PADI4: variants seen among roughly 807,000 people sequenced by gnomAD.
The protein encoded by PADI4 is peptidyl arginine deiminase 4.
Under a neutral mutation model 75.0 loss-of-function variants are expected in PADI4, and 62 were observed. That is an observed-to-expected ratio of 0.83 (90% CI 0.67 to 1.02). PADI4 has a LOEUF of 1.02. PADI4 is among the 50% of genes least tolerant of loss of function. The pLI, the probability that PADI4 is intolerant of heterozygous loss-of-function variation, is 0.00. For synonymous variants in PADI4, 361 were observed against 348.1 expected (o/e 1.04, Z -0.41); for missense variants, 845 against 850.5 (o/e 0.99, Z 0.08).
At position 17,336,167 on chromosome 1, in the gene PADI4, T is replaced by C. The variant is rs1748033; in HGVS notation, c.349T>C (p.Leu117=). 1,061,313 of 1,607,184 alleles carry C rather than the reference T, an allele frequency of 0.66. 353,119 individuals are homozygous for C. Among genetic ancestry groups the C allele is most frequent in the Non-Finnish European group, 0.68 (796,590 of 1,174,032 alleles). ...ACTTGATGGGATTTCAGAAATCTCC[T>C]TGTGCGCAGACATCACCCGCACCGG... ...LLYLTGVEIS[L]CADITRTGKV... The change falls in exon 4 of 16, where the codon TTG becomes CTG. Residue 117 remains leucine, a synonymous_variant. Transcript: ENST00000375448.
chr1:17,322,492 C>G lies in PADI4; in HGVS notation c.93-8477C>G, dbSNP rs28868072. ...TGACAGAGTGAGACTCCATCCCCCC[C>G]CAAAAAAAAAGATAAGCTATAAATG... is the stretch of plus-strand genomic sequence containing the variant. On this transcript the variant is annotated intron_variant, in intron 1 of 15. Coordinates refer to ENST00000375448, the MANE Select transcript of PADI4 (RefSeq NM_012387.3). 1.4e-4 allele frequency among the ~76,000 whole-genome samples: 8 copies of G among 59,010 alleles called. No homozygotes were observed. The South Asian group carries it at 4.2e-3, about 31-fold the overall frequency. 38.7% of individuals were successfully genotyped at this position (59,010 alleles called of 152,430 possible).
chr1:17,351,879 G>A (rs1254061717), intron 10 of PADI4, among the ~76,000 whole-genome samples: 1 of 152,118 alleles, frequency 6.6e-6, no homozygotes, highest in Non-Finnish European at 1.5e-5. Context: ...AGAGGAGATA[G>A]GAGGTGGTAG....
chr1:17,321,125 T>C (rs1264583748), intron 1 of PADI4, among the ~76,000 whole-genome samples: 2 of 151,948 alleles, frequency 1.3e-5, no homozygotes, highest in Non-Finnish European at 2.9e-5. Flanking sequence ...GTTGGAGTGA[T>C]AAAGGGAGGA....
chr1:17,356,913 T>A lies in PADI4; in HGVS notation c.1558+454T>A, dbSNP rs926894112. On this transcript the variant is annotated intron_variant, in intron 13 of 15. Coordinates refer to ENST00000375448, the MANE Select transcript of PADI4 (RefSeq NM_012387.3). This position sits in a 1 kb window ranked among gnomAD's most constrained non-coding sequence, Gnocchi z 4.1. ...AGGTTCGGTATAGCTGGAGCACAGA[T>A]GAAATATTACTCTCTCAGCAGAGCT... 6.6e-6 allele frequency among the ~76,000 whole-genome samples: 1 copy of A among 152,090 alleles called. No individual in the cohort carries two copies. Among genetic ancestry groups the A allele is most frequent in the South Asian group, 2.1e-4 (1 of 4,824 alleles).
At chr1:17,349,534 G>T (rs961458611) in intron 10 of PADI4, among the ~76,000 whole-genome samples, 1 of 151,960 alleles carries the variant, frequency 6.6e-6, no homozygotes, top group Non-Finnish European at 1.5e-5. Flanking sequence ...GCGAAATCCC[G>T]TCTCTACTAA....
At chr1:17,357,661 G>A (rs1225273756) in intron 13 of PADI4, among the ~76,000 whole-genome samples, 1 of 152,028 alleles carries the variant, frequency 6.6e-6, no homozygotes, top group Non-Finnish European at 1.5e-5. Flanking sequence ...GGCTGGGCGC[G>A]ATGGTTCATG....
chr1:17,320,705 G>C (rs2074019139), intron 1 of PADI4, among the ~76,000 whole-genome samples: 1 of 152,182 alleles, frequency 6.6e-6, no homozygotes, highest in Admixed American at 6.5e-5. Flanking sequence ...TCATCGTCTT[G>C]GTTTTGGTGG....
In PADI4 at chr1:17,356,296, C is replaced by T; in HGVS notation, c.1456-61C>T. The T allele has an allele frequency of 1.5e-6, 2 of 1,335,366 alleles. No homozygotes were observed. The highest frequency in any genetic ancestry group is 1.3e-5 in the South Asian group (1 of 75,132). The allele number at this position is 1,335,366 out of a possible 1,614,324, so 82.7% of individuals were successfully genotyped here. A position where few individuals can be genotyped will look rare whatever the true frequency, so the allele number is the denominator to read the frequency against. On this transcript the variant is annotated intron_variant, in intron 12 of 15. Coordinates refer to ENST00000375448, the MANE Select transcript of PADI4 (RefSeq NM_012387.3). This position sits in a 1 kb window ranked among gnomAD's most constrained non-coding sequence, Gnocchi z 4.1. The stretch of plus-strand genomic sequence containing the variant: ...ACACTACTCCCACCCTCAGCAGATC[C>T]ACCCTCGTTGGGAGCTCCAGGGGCA...
intron 1 of PADI4, among the ~76,000 whole-genome samples, chr1:17,309,048 G>T (rs1197805573): frequency 6.6e-6 from 1 of 151,992 alleles, no homozygotes; most frequent in Non-Finnish European, 1.5e-5. Flanking sequence ...AGAGAGTTGA[G>T]GAATGCTCTC....
rs1013271312 is a variant in PADI4, at chr1:17,349,408, A to G, written c.1155+1360A>G. On this transcript the variant is annotated intron_variant, in intron 10 of 15. Transcript: ENST00000375448. ...AAGCACATCTGTGTATTCCAACTCA[A>G]ATCACTCAGAATGAGGCCAGGTGTG... is the stretch of plus-strand genomic sequence containing the variant. Among the ~76,000 whole-genome samples, 5 of 152,264 alleles carry G rather than the reference A, an allele frequency of 3.3e-5. No homozygotes were observed. In the East Asian group the frequency reaches 9.7e-4, roughly 29 times the overall value.
intron 1 of PADI4, among the ~76,000 whole-genome samples, chr1:17,309,233 A>G (rs368366548): frequency 2.0e-5 from 3 of 149,942 alleles, no homozygotes; most frequent in Middle Eastern, 3.2e-3. Flanking sequence ...TTTTGTGGCT[A>G]GTGAGCCTTA....
intron 4 of PADI4, among the ~76,000 whole-genome samples, chr1:17,336,429 T>C (rs531787920): frequency 2.0e-5 from 3 of 152,234 alleles, no homozygotes; most frequent in South Asian, 2.1e-4. Flanking sequence ...CAATTGTGGG[T>C]TCAGATGTGT....
chr1:17,352,659 G>C (rs530745152), intron 10 of PADI4, among the ~76,000 whole-genome samples: 1 of 152,298 alleles, frequency 6.6e-6, no homozygotes, highest in South Asian at 2.1e-4. Flanking sequence ...GACCTCTGTG[G>C]GTGGCAGGCA....
At chr1:17,321,174 C>A (rs548727416) in intron 1 of PADI4, among the ~76,000 whole-genome samples, 1 of 152,030 alleles carries the variant, frequency 6.6e-6, no homozygotes. Context: ...GCCTTTGGGG[C>A]TGGATTGGAT....
chr1:17,333,065 A>T (rs188728567), intron 2 of PADI4, among the ~76,000 whole-genome samples: 5 of 152,334 alleles, frequency 3.3e-5, no homozygotes, highest in African/African-American at 9.6e-5. Flanking sequence ...TTCTGCAAAC[A>T]ACAGGAAGCC....
chr1:17,334,336 C>A (rs1396443216), intron 3 of PADI4: 1 of 408,836 alleles, frequency 2.4e-6, no homozygotes, highest in South Asian at 1.8e-5. Context: ...GGAGTCTCAC[C>A]CTGTCACCCA....
intron 8 of PADI4, among the ~76,000 whole-genome samples, chr1:17,345,571 C>A (rs552078527): frequency 6.6e-6 from 1 of 152,190 alleles, no homozygotes; most frequent in Non-Finnish European, 1.5e-5. Context: ...TAATTTGAAT[C>A]ATGGTGGCAG....
intron 2 of PADI4, among the ~76,000 whole-genome samples, chr1:17,332,010 G>A (rs4920597): frequency 0.55 from 83,978 of 152,040 alleles, 23,432 homozygotes; most frequent in East Asian, 0.59. Context: ...CTGAGGTCAA[G>A]GTGCCAGCAG....
At chr1:17,329,314 ACT>A (rs1306708817) in intron 1 of PADI4, among the ~76,000 whole-genome samples, 1 of 145,774 alleles carries the variant, frequency 6.9e-6, no homozygotes, top group Non-Finnish European at 1.5e-5. Flanking sequence ...CGACAGTGAG[ACT>A]CTGTCTCAAA....
Sources: allele counts gnomAD v4.1 joint callset (sites outside exome capture counted in the v4.1 genomes callset), GRCh38; gene constraint gnomAD v4.1.1; non-coding constraint Gnocchi (gnomAD v3.1); transcripts MANE v1.5; gene names NCBI Gene and HGNC (gene_info 2026-07-23, HGNC 2026-07-21).